Variants in SBNO1 observed in about 807,000 individuals in gnomAD.
The protein encoded by SBNO1 is protein strawberry notch homolog 1.
In SBNO1, 23 loss-of-function variants were observed where a neutral mutation model predicts 173.6. The observed-to-expected ratio is 0.13, with a 90% confidence interval of 0.10 to 0.19. SBNO1 has a LOEUF of 0.19. Among genes scored for constraint, SBNO1 ranks in the 10% least tolerant of loss-of-function variants. The pLI is 1.00. For synonymous variants in SBNO1, 632 were observed against 571.5 expected (o/e 1.11, Z -1.51); for missense variants, 1,238 against 1,671.2 (o/e 0.74, Z 4.52).
rs181194816 is a variant in SBNO1 at position 123,345,425 on chromosome 12, G to A, written c.383C>T (p.Ala128Val). 6.2e-7 allele frequency: 1 copy of A among 1,614,214 alleles called. No individual in the cohort carries two copies. The highest frequency in any genetic ancestry group is 2.2e-5 in the East Asian group (1 of 44,896). ...ITLTKFIQTT[A>V]STRPSVSAPT... is the part of the protein sequence containing the mutation. Reference sequence around the variant, plus strand: ...TGCTGAGACTGACGGGCGTGTGCTTGCAGTAGTCTGGATAAACTTAGTTAA... The same window carrying A: ...TGCTGAGACTGACGGGCGTGTGCTTACAGTAGTCTGGATAAACTTAGTTAA... The change falls in exon 4 of 32, where the codon GCA (alanine) becomes GTA (valine). Residue 128 changes from alanine (A) to valine (V), a missense_variant. Around this residue, in one of 14 missense-constraint regions of SBNO1, gnomAD observed 287 missense variants for 274.1 expected, o/e 1.05. Transcript: ENST00000602398.
rs915892579 is a variant in SBNO1, at chr12:123,316,170, A to G, written c.2936-510T>C. Among the ~76,000 whole-genome samples, 4 of 152,212 alleles carry G rather than the reference A, an allele frequency of 2.6e-5. No homozygotes were observed. The East Asian group carries it at 7.7e-4, about 29-fold the overall frequency. On this transcript the variant is annotated intron_variant, in intron 21 of 31. Coordinates refer to ENST00000602398, the MANE Select transcript of SBNO1 (RefSeq NM_001167856.3). Reference sequence around the variant, plus strand: ...GCATCATATACTATAAAGTATATATATAACACTCCTTAAATGCAAGATCTG... The same window carrying G: ...GCATCATATACTATAAAGTATATATGTAACACTCCTTAAATGCAAGATCTG...
rs1218365270 is a variant in SBNO1, at chr12:123,295,560, A to G, written c.*348T>C. ...CACTGTATAAACATAAAGTAAAGCCAGTTTGGGAAGTTCCAAGCATTTTAA... is the reference window on the plus strand; with the variant it reads ...CACTGTATAAACATAAAGTAAAGCCGGTTTGGGAAGTTCCAAGCATTTTAA... On this transcript the variant is annotated 3_prime_UTR_variant, in exon 32 of 32. Coordinates refer to ENST00000602398, the MANE Select transcript of SBNO1 (RefSeq NM_001167856.3). The G allele has an allele frequency of 9.5e-6, 2 of 211,184 alleles. No individual in the cohort carries two copies. Among genetic ancestry groups the G allele is most frequent in the Non-Finnish European group, 1.9e-5 (2 of 103,668 alleles). The allele number at this position is 211,184 out of a possible 1,614,324, so 13.1% of individuals were successfully genotyped here.
At position 123,319,988 on chromosome 12, in the gene SBNO1, C is replaced by A; in HGVS notation, c.2711G>T (p.Ser904Ile). The A allele has an allele frequency of 1.2e-6, 2 of 1,613,956 alleles. 1 individual carries two copies. Among genetic ancestry groups the A allele is most frequent in the South Asian group, 2.2e-5 (2 of 91,080 alleles). ...TTCAGATCTTGACTCATAAGATATG[C>A]TTCCATCATCATTGCTCACAACCCG... ...KGRVVSNDDG[S>I]ISYESRSELD... The change falls in exon 20 of 32, where the codon AGC becomes ATC. Residue 904 changes from serine (S) to isoleucine (I), a missense_variant. By Grantham distance (142) the Ser-to-Ile change is moderately radical. Around this residue, in one of 14 missense-constraint regions of SBNO1, gnomAD observed 45 missense variants for 85.5 expected, o/e 0.53. Transcript: ENST00000602398.
rs1871856802 is a variant in SBNO1 at position 123,336,495 on chromosome 12, C to T, written c.652-4G>A. Reference sequence around the variant, plus strand: ...CTTCTTTTACAACAGGAACCTTCTGCAACACAGAAAGAGCACAATCAATCC... The same window carrying T: ...CTTCTTTTACAACAGGAACCTTCTGTAACACAGAAAGAGCACAATCAATCC... On this transcript the variant is annotated splice_region_variant and splice_polypyrimidine_tract_variant and intron_variant, in intron 5 of 31. Transcript: ENST00000602398. 6.3e-7 allele frequency: 1 copy of T among 1,596,592 alleles called. No individual in the cohort carries two copies. The highest frequency in any genetic ancestry group is 8.6e-7 in the Non-Finnish European group (1 of 1,168,474).
intron 31 of SBNO1, among the ~76,000 whole-genome samples, chr12:123,297,287 G>A (rs1157324513): frequency 3.2e-5 from 4 of 124,928 alleles, no homozygotes; most frequent in Non-Finnish European, 3.2e-5. Flanking sequence ...CCGGGAGCAC[G>A]CCACTGCACT....
At chr12:123,328,065 T>C (rs781374354) in intron 10 of SBNO1, 38 bp from the exon 11 acceptor site, 1 of 1,479,320 alleles carries the variant, frequency 6.8e-7, no homozygotes, top group Non-Finnish European at 9.3e-7. Flanking sequence ...CACATTAGTA[T>C]TAAGTAAGAA....
intron 1 of SBNO1, among the ~76,000 whole-genome samples, chr12:123,357,377 G>T (rs1237489428): frequency 6.6e-6 from 1 of 151,448 alleles, no homozygotes. Context: ...GGAACCCAGG[G>T]GGTGAAGGTT....
chr12:123,341,103 G>C lies in SBNO1; in HGVS notation c.551-15C>G. On this transcript the variant is annotated splice_polypyrimidine_tract_variant and intron_variant, in intron 4 of 31. Transcript: ENST00000602398. ...GCTTACATCAGCTGAGGAGGAAAAA[G>C]TCAAATTACATTTAGAAGAAAATTC... The C allele has an allele frequency of 3.6e-6, 5 of 1,379,058 alleles. No individual in the cohort carries two copies. In the South Asian group the frequency reaches 5.1e-5, roughly 14 times the overall value. The allele number at this position is 1,379,058 out of a possible 1,614,324, so 85.4% of individuals were successfully genotyped here.
intron 5 of SBNO1, among the ~76,000 whole-genome samples, chr12:123,339,594 C>T (rs1872285853): frequency 3.3e-5 from 5 of 152,100 alleles, no homozygotes; most frequent in Admixed American, 3.3e-4. Flanking sequence ...CGAGACCAGC[C>T]TGGCCAATGT....
intron 1 of SBNO1, chr12:123,364,338 G>A (rs1265417304): frequency 3.0e-6 from 3 of 985,066 alleles, no homozygotes; most frequent in South Asian, 4.7e-5. Context: ...GTTGTGAGGC[G>A]GAAGCCAAAG....
chr12:123,350,175 G>A, intron 2 of SBNO1, 135 bp downstream of exon 2: 1 of 955,458 alleles, frequency 1.0e-6, no homozygotes, highest in Non-Finnish European at 1.6e-6. Context: ...GATGGTTTGA[G>A]CCTGGGAGGT....
At chr12:123,312,314 A>G (rs1237033039) in intron 24 of SBNO1, among the ~76,000 whole-genome samples, 2 of 152,164 alleles carry the variant, frequency 1.3e-5, no homozygotes, top group Non-Finnish European at 2.9e-5. Flanking sequence ...GCTTTTGTTG[A>G]AAGCCGAGAG....
At chr12:123,333,620 C>T (rs1235727179) in intron 7 of SBNO1, among the ~76,000 whole-genome samples, 1 of 151,900 alleles carries the variant, frequency 6.6e-6, no homozygotes, top group Non-Finnish European at 1.5e-5. Flanking sequence ...CCTCAGCTTC[C>T]CGAGAAACTG....
chr12:123,350,410 G>C lies in SBNO1; in HGVS notation c.32C>G (p.Ala11Gly). The change falls in exon 2 of 32, where the codon GCT (alanine) becomes GGT (glycine). Residue 11 changes from alanine to glycine, a missense_variant. Coordinates refer to ENST00000602398, the MANE Select transcript of SBNO1 (RefSeq NM_001167856.3). MVEPGQDLLL[A>G]ALSESGISPN... ...ACTAATTCCACTCTCACTCAAAGCA[G>C]CAAGCAGTAAATCTTGCCCTGGCTC... The C allele has an allele frequency of 6.2e-7, 1 of 1,613,990 alleles. No homozygotes were observed. Among genetic ancestry groups the C allele is most frequent in the Non-Finnish European group, 8.5e-7 (1 of 1,179,940 alleles).
chr12:123,296,665 A>C (rs1446077925), intron 31 of SBNO1, among the ~76,000 whole-genome samples: 3 of 150,664 alleles, frequency 2.0e-5, no homozygotes, highest in African/African-American at 7.3e-5. Context: ...GGTTGAAGTG[A>C]TTCTCCTGCC....
intron 1 of SBNO1, among the ~76,000 whole-genome samples, chr12:123,354,504 A>G (rs1292567467): frequency 1.3e-5 from 2 of 152,230 alleles, no homozygotes; most frequent in East Asian, 3.9e-4. Flanking sequence ...GGGAAAGGGG[A>G]CAGAGAGAGA....
Position 123,292,459 on chromosome 12 carries a change from T to A in SBNO1, c.*3449A>T, listed in dbSNP as rs775986315. The A allele has an allele frequency of 6.6e-6, 1 of 152,112 alleles. No homozygotes were observed. 9.4% of individuals were successfully genotyped at this position (152,112 alleles called of 1,614,324 possible). ...AAGTGGAGGGGAGAGGGAAGAAGGCTCCCATTCTACAATTATAAATGCTGT... is the reference window on the plus strand; with the variant it reads ...AAGTGGAGGGGAGAGGGAAGAAGGCACCCATTCTACAATTATAAATGCTGT... On this transcript the variant is annotated 3_prime_UTR_variant, in exon 32 of 32. Coordinates refer to ENST00000602398, the MANE Select transcript of SBNO1 (RefSeq NM_001167856.3).
At chr12:123,303,041 G>T (rs2048834262) in intron 29 of SBNO1, 141 bp from the exon 30 acceptor site, 21 of 632,306 alleles carry the variant, frequency 3.3e-5, no homozygotes. Flanking sequence ...AACTGAATCT[G>T]AACGCCATTT....
intron 13 of SBNO1, 85 bp from the exon 14 acceptor site, chr12:123,326,419 G>A (rs1870616078): frequency 1.3e-6 from 1 of 750,652 alleles, no homozygotes; most frequent in Non-Finnish European, 2.0e-6. Flanking sequence ...ACAATGTTAA[G>A]TGCAAGACCA....
Sources: allele counts gnomAD v4.1 joint callset (sites outside exome capture counted in the v4.1 genomes callset), GRCh38; gene constraint gnomAD v4.1.1; regional missense constraint gnomAD v4.1.1; transcripts MANE v1.5; gene names NCBI Gene and HGNC (gene_info 2026-07-23, HGNC 2026-07-21).